NRXN1: variants seen among roughly 807,000 people sequenced by gnomAD.
NRXN1 encodes the protein neurexin 1.
NRXN1 carries 39 observed loss-of-function variants against 150.9 expected under a neutral mutation model. The ratio of observed to expected loss-of-function variants is 0.26; its 90% CI spans 0.20 to 0.34. NRXN1 has a LOEUF of 0.34. Ranked by LOEUF, NRXN1 falls within the 10% of genes least tolerant of loss-of-function variation. The pLI is 1.00. For synonymous variants in NRXN1, 924 were observed against 757.0 expected (o/e 1.22, Z -3.62); for missense variants, 1,815 against 1,949.9 (o/e 0.93, Z 1.30).
chr2:50,988,102 T>C (rs759818430), intron 2 of NRXN1, among the ~76,000 whole-genome samples: 21 of 151,996 alleles, frequency 1.4e-4, no homozygotes, highest in Admixed American at 5.9e-4. Flanking sequence ...TTTAATAAGA[T>C]ACAGATTCTT....
At chr2:50,230,903 A>G (rs1480417461) in intron 18 of NRXN1, among the ~76,000 whole-genome samples, 1 of 152,094 alleles carries the variant, frequency 6.6e-6, no homozygotes, top group African/African-American at 2.4e-5. Context: ...TTCCCCAAAA[A>G]TGACTTTTAC....
intron 21 of NRXN1, among the ~76,000 whole-genome samples, chr2:50,002,438 T>C (rs940872833): frequency 6.6e-5 from 10 of 152,150 alleles, no homozygotes; most frequent in Non-Finnish European, 1.0e-4. Flanking sequence ...ATTTCTCCTA[T>C]AGGCCCTATT....
chr2:49,974,867 A>T (rs1678674456), intron 21 of NRXN1, among the ~76,000 whole-genome samples: 1 of 151,944 alleles, frequency 6.6e-6, no homozygotes, highest in South Asian at 2.1e-4. Context: ...AAAGATGCAC[A>T]TCCTGTTTCC....
intron 17 of NRXN1, among the ~76,000 whole-genome samples, chr2:50,453,531 T>C (rs2087210099): frequency 6.6e-6 from 1 of 152,236 alleles, no homozygotes; most frequent in Non-Finnish European, 1.5e-5. Context: ...ACTCATCACC[T>C]ATTAAGCTGA....
At chr2:50,562,329 C>CGATA (rs70948719) in intron 8 of NRXN1, among the ~76,000 whole-genome samples, 35,647 of 149,874 alleles carry the variant, frequency 0.24, 4,258 homozygotes, top group Middle Eastern at 0.29. Context: ...GATAGATATA[C>CGATA]GATAGATAGA....
intron 12 of NRXN1, among the ~76,000 whole-genome samples, chr2:50,507,762 C>T (rs2092300162): frequency 6.7e-6 from 1 of 150,058 alleles, no homozygotes; most frequent in South Asian, 2.1e-4. Context: ...ATTAAAGATA[C>T]ATTGTTTGGT....
chr2:50,719,689 C>T (rs777471026), intron 5 of NRXN1, among the ~76,000 whole-genome samples: 39 of 148,260 alleles, frequency 2.6e-4, no homozygotes, highest in African/African-American at 4.0e-4. Context: ...AAAACAAAAA[C>T]AACAACAACA....
intron 2 of NRXN1, among the ~76,000 whole-genome samples, chr2:50,998,980 C>A (rs1244093695): frequency 3.9e-5 from 6 of 151,952 alleles, no homozygotes; most frequent in Admixed American, 3.9e-4. Flanking sequence ...CCAATTATAG[C>A]AAGGTCTCTG....
At chr2:50,638,605 G>C (rs1042517652) in intron 5 of NRXN1, among the ~76,000 whole-genome samples, 1 of 152,054 alleles carries the variant, frequency 6.6e-6, no homozygotes, top group Non-Finnish European at 1.5e-5. Flanking sequence ...GCGTTCTCTG[G>C]TCTCATGGAT....
At chr2:50,374,880 G>C (rs1572729404) in intron 17 of NRXN1, among the ~76,000 whole-genome samples, 1 of 152,172 alleles carries the variant, frequency 6.6e-6, no homozygotes, top group East Asian at 1.9e-4. Context: ...CCTTCCTTTT[G>C]ACAGATTTCT....
chr2:49,965,014 C>G (rs1054959256), intron 21 of NRXN1, among the ~76,000 whole-genome samples: 1 of 151,610 alleles, frequency 6.6e-6, no homozygotes, highest in Non-Finnish European at 1.5e-5. Context: ...AGGCCCCTGA[C>G]AGGTGCAGGT....
chr2:50,385,653 C>A (rs1396912005), intron 17 of NRXN1, among the ~76,000 whole-genome samples: 1 of 152,160 alleles, frequency 6.6e-6, no homozygotes, highest in Non-Finnish European at 1.5e-5. Flanking sequence ...TTCTAGGAAA[C>A]TTTCCAAGCT....
intron 5 of NRXN1, among the ~76,000 whole-genome samples, chr2:50,847,786 G>A (rs545792005): frequency 6.6e-6 from 1 of 152,232 alleles, no homozygotes; most frequent in African/African-American, 2.4e-5. Flanking sequence ...GACAGACGTC[G>A]GCACAGCAGC....
Position 50,552,942 on chromosome 2 carries a change from C to A in NRXN1, c.1404G>T (p.Val468=). The stretch of plus-strand genomic sequence containing the variant: ...CAACATTCTCACATTTAAATGCCAC[C>A]ACTCCATGGATCTTCATCTTAGGAT... ...QGDPKMKIHG[V]VAFKCENVAT... is the part of the protein sequence containing the mutation. The change falls in exon 9 of 23, where the codon GTG becomes GTT. Residue 468 remains valine (V), a synonymous_variant. Coordinates refer to ENST00000401669, the MANE Select transcript of NRXN1 (RefSeq NM_001330078.2). 6.2e-7 allele frequency: 1 copy of A among 1,613,740 alleles called. No individual in the cohort carries two copies. The highest frequency in any genetic ancestry group is 8.5e-7 in the Non-Finnish European group (1 of 1,179,720).
rs2078146218 is a variant in NRXN1 at position 50,347,757 on chromosome 2, A to G, written c.3365-110787T>C. Reference sequence around the variant, plus strand: ...AAAAGAAAAAGAAAAAGAAAAAAAGAAAAGAAAAACCACACACGCTGGTGA... The same window carrying G: ...AAAAGAAAAAGAAAAAGAAAAAAAGGAAAGAAAAACCACACACGCTGGTGA... On this transcript the variant is annotated intron_variant, in intron 17 of 22. Transcript: ENST00000401669. The surrounding 1 kb of genome is among the most constrained non-coding windows in gnomAD (Gnocchi z 4.9). 3 of 986,528 alleles carry G rather than the reference A, an allele frequency of 3.0e-6. No homozygotes were observed. The highest frequency in any genetic ancestry group is 3.6e-6 in the Non-Finnish European group (3 of 830,752). The allele number at this position is 986,528 out of a possible 1,614,324, so 61.1% of individuals were successfully genotyped here.
chr2:50,730,034 C>T (rs1309751811), intron 5 of NRXN1, among the ~76,000 whole-genome samples: 3 of 152,122 alleles, frequency 2.0e-5, no homozygotes, highest in African/African-American at 4.8e-5. Context: ...GCCACTCTCT[C>T]GACAGATGAG....
intron 5 of NRXN1, among the ~76,000 whole-genome samples, chr2:50,686,353 T>C (rs1008501025): frequency 5.9e-5 from 9 of 152,026 alleles, no homozygotes; most frequent in Admixed American, 2.0e-4. Flanking sequence ...CAACCAGAAA[T>C]TGCAGCAAAT....
chr2:50,960,623 C>A (rs983315806), intron 2 of NRXN1, among the ~76,000 whole-genome samples: 2 of 151,802 alleles, frequency 1.3e-5, no homozygotes, highest in African/African-American at 4.8e-5. Flanking sequence ...AATTTCTAGA[C>A]CTTGCTTCCT....
intron 15 of NRXN1, among the ~76,000 whole-genome samples, chr2:50,491,921 C>G (rs956539435): frequency 3.3e-5 from 5 of 152,178 alleles, no homozygotes; most frequent in South Asian, 2.1e-4. Context: ...AATAAATGAG[C>G]AAGACTGACC....
Sources: allele counts gnomAD v4.1 joint callset (sites outside exome capture counted in the v4.1 genomes callset), GRCh38; gene constraint gnomAD v4.1.1; non-coding constraint Gnocchi (gnomAD v3.1); transcripts MANE v1.5; gene names NCBI Gene and HGNC (gene_info 2026-07-23, HGNC 2026-07-21).